The following ING3 variants were observed in gnomAD, a reference collection of about 807,000 sequenced individuals.
ING3 encodes inhibitor of growth family member 3.
A neutral mutation model predicts 64.8 loss-of-function variants in ING3; 6 were observed. The ratio of observed to expected loss-of-function variants is 0.09; its 90% CI spans 0.05 to 0.18. The LOEUF (loss-of-function observed/expected upper bound fraction) is 0.18, where lower values mean the gene tolerates loss of function less well. ING3 is among the 10% of genes least tolerant of loss of function. ING3 has a pLI of 1.00. For missense variants in ING3, 310 were observed against 489.7 expected, an observed-to-expected ratio of 0.63 and a Z score of 3.46; for synonymous variants, 170 against 173.7, an observed-to-expected ratio of 0.98 and a Z score of 0.17.
chr7:120,970,611 T>G, intron 9 of ING3, 77 bp from the exon 10 acceptor site: 1 of 1,400,908 alleles, frequency 7.1e-7, no homozygotes, highest in Non-Finnish European at 9.8e-7. Context: ...TCATTTCATT[T>G]TATACTATTT....
At chr7:120,964,656 A>G in intron 4 of ING3, 86 bp from the exon 5 acceptor site, 1 of 1,009,416 alleles carries the variant, frequency 9.9e-7, no homozygotes, top group South Asian at 1.3e-5. Context: ...TCACTAAAAG[A>G]AACAAAAATT....
chr7:120,968,259 G>T (rs1291179188), intron 8 of ING3, among the ~76,000 whole-genome samples, 168 bp downstream of exon 8: 2 of 152,122 alleles, frequency 1.3e-5, no homozygotes, highest in Non-Finnish European at 2.9e-5. Flanking sequence ...TAATACATAG[G>T]AATTGCCTGA....
rs1361527882 is a variant in ING3 at position 120,968,977 on chromosome 7, A to G, written c.715-34A>G. On this transcript the variant is annotated intron_variant, in intron 8 of 11. Coordinates refer to ENST00000315870, the MANE Select transcript of ING3 (RefSeq NM_019071.3). ...TGAAAAAGAAAATCTACATATTTAC[A>G]TATATTGATGCTATCAATGAATGTC... The G allele has an allele frequency of 2.2e-6, 3 of 1,343,668 alleles. No homozygotes were observed. In the African/African-American group the frequency reaches 4.4e-5, roughly 20 times the overall value. The allele number at this position is 1,343,668 out of a possible 1,614,324, so 83.2% of individuals were successfully genotyped here. A position where few individuals can be genotyped will look rare whatever the true frequency, so the allele number is the denominator to read the frequency against.
intron 8 of ING3, 130 bp from the exon 9 acceptor site, chr7:120,968,881 A>T: frequency 9.0e-6 from 4 of 446,036 alleles, no homozygotes; most frequent in Non-Finnish European, 1.2e-5. Context: ...AATTCCAGTG[A>T]TGAAAATAAT....
intron 6 of ING3, 58 bp from the exon 7 acceptor site, chr7:120,967,471 T>G (rs1056622046): frequency 7.8e-7 from 1 of 1,276,328 alleles, no homozygotes; most frequent in Non-Finnish European, 1.1e-6. Flanking sequence ...ATAAGTATTA[T>G]GCCTTGTCCA....
intron 4 of ING3, among the ~76,000 whole-genome samples, chr7:120,958,102 C>T (rs1048067649): frequency 2.0e-5 from 3 of 152,206 alleles, no homozygotes; most frequent in African/African-American, 7.2e-5. Context: ...TGCTGTCTCT[C>T]ACTCTCCTAG....
chr7:120,968,934 A>G (rs1336733748), intron 8 of ING3, 77 bp from the exon 9 acceptor site: 1 of 912,902 alleles, frequency 1.1e-6, no homozygotes, highest in Non-Finnish European at 1.6e-6. Context: ...CCAAAATAAA[A>G]CTATAATTTG....
Position 120,975,004 on chromosome 7 carries a change from G to T in ING3, c.*160G>T. The T allele has an allele frequency of 2.2e-6, 1 of 447,526 alleles. No homozygotes were observed. The highest frequency in any genetic ancestry group is 4.1e-6 in the Non-Finnish European group (1 of 246,308). 27.7% of individuals were successfully genotyped at this position (447,526 alleles called of 1,614,324 possible). On this transcript the variant is annotated 3_prime_UTR_variant, in exon 12 of 12. Coordinates refer to ENST00000315870, the MANE Select transcript of ING3 (RefSeq NM_019071.3). ...TAAGATCTTGAACTTGAATTTTATG[G>T]GTTGTATTTTAATAATGTAAGTAAA...
chr7:120,961,281 G>T (rs1013604858), intron 4 of ING3, among the ~76,000 whole-genome samples: 1 of 152,130 alleles, frequency 6.6e-6, no homozygotes, highest in Non-Finnish European at 1.5e-5. Context: ...TGTTATCTGA[G>T]AAATACTTTG....
intron 6 of ING3, among the ~76,000 whole-genome samples, chr7:120,967,115 G>A (rs1203828534): frequency 6.6e-6 from 1 of 152,186 alleles, no homozygotes; most frequent in Non-Finnish European, 1.5e-5. Flanking sequence ...CTGAATGGTT[G>A]GTAAGTCAGT....
intron 11 of ING3, 22 bp from the exon 12 acceptor site, chr7:120,974,706 T>G: frequency 6.6e-7 from 1 of 1,526,564 alleles, no homozygotes; most frequent in Non-Finnish European, 9.1e-7. Flanking sequence ...GAAAACTTGT[T>G]TTTTGCAATT....
chr7:120,969,448 C>A (rs2116685954), intron 9 of ING3, among the ~76,000 whole-genome samples: 1 of 151,764 alleles, frequency 6.6e-6, no homozygotes, highest in African/African-American at 2.4e-5. Context: ...TACATGACTT[C>A]TTTTTATCTT....
At chr7:120,962,466 T>C (rs1795945747) in intron 4 of ING3, among the ~76,000 whole-genome samples, 2 of 151,606 alleles carry the variant, frequency 1.3e-5, no homozygotes, top group African/African-American at 4.9e-5. Context: ...AGTCTTGTCA[T>C]TATTTTTAAC....
chr7:120,969,245 C>T (rs1322792903), intron 9 of ING3, 41 bp downstream of exon 9: 1 of 1,505,522 alleles, frequency 6.6e-7, no homozygotes, highest in East Asian at 2.3e-5. Flanking sequence ...CTTTACTGAA[C>T]ACTTGGTCTA....
At chr7:120,966,766 C>CT (rs1174591151) in intron 6 of ING3, 69 bp downstream of exon 6, 10 of 1,075,592 alleles carry the variant, frequency 9.3e-6, no homozygotes, top group African/African-American at 3.1e-5. Context: ...TATATGTTCT[C>CT]TTTTTTTAAC....
intron 4 of ING3, among the ~76,000 whole-genome samples, chr7:120,959,062 G>T (rs1284721680): frequency 6.6e-6 from 1 of 152,098 alleles, no homozygotes; most frequent in Non-Finnish European, 1.5e-5. Flanking sequence ...TCTTGACCTT[G>T]TATTACCATG....
rs1294961164 is a variant in ING3, at chr7:120,955,605, CA to C, written c.251del (p.Asn84ThrfsTer7). The C allele has an allele frequency of 6.2e-7, 1 of 1,608,796 alleles. No homozygotes were observed. The highest frequency in any genetic ancestry group is 8.5e-7 in the Non-Finnish European group (1 of 1,175,376). On this transcript the variant is annotated frameshift_variant, in exon 4 of 12. Coordinates refer to ENST00000315870, the MANE Select transcript of ING3 (RefSeq NM_019071.3). LOFTEE classifies it high-confidence loss of function. ...GATGCAGATGAGAAGGTTCAGTTGGCAAACCAGATATATGACTTGGTAAGTA... is the reference window on the plus strand; with the variant it reads ...GATGCAGATGAGAAGGTTCAGTTGGCAACCAGATATATGACTTGGTAAGTA... ...LEDADEKVQL[A>X]NQIYDLVDRH...
rs1796144518 is a variant in ING3 at position 120,977,177 on chromosome 7, A to T, written c.*2333A>T. 6.6e-6 allele frequency: 1 copy of T among 152,242 alleles called. No homozygotes were observed. The highest frequency in any genetic ancestry group is 6.5e-5 in the Admixed American group (1 of 15,282). 9.4% of individuals were successfully genotyped at this position (152,242 alleles called of 1,614,324 possible). On this transcript the variant is annotated 3_prime_UTR_variant, in exon 12 of 12. Transcript: ENST00000315870. The stretch of plus-strand genomic sequence containing the variant: ...AGTGTATATCAAAATGTTCATGGTG[A>T]CACATTTGAAGCAATAAATGGCTTA...
chr7:120,951,220 G>A lies in ING3; in HGVS notation c.85G>A (p.Asp29Asn), dbSNP rs769127768. The A allele has an allele frequency of 1.9e-6, 3 of 1,614,084 alleles. No individual in the cohort carries two copies. The highest frequency in any genetic ancestry group is 8.5e-7 in the Non-Finnish European group (1 of 1,180,034). ...CCGCTTCACGGAAATGCGCGAGATG[G>A]ACCTGCAGGTGCAGAGTAAGTCGGC... is the stretch of plus-strand genomic sequence containing the variant. ...RDRFTEMREM[D>N]LQVQNAMDQL... Residue 29 changes from aspartate (D) to asparagine (N), a missense_variant, in exon 2 of 12, where the codon GAC becomes AAC. Asp to Asn is a conservative substitution (Grantham distance 23). This residue lies in a region of ING3 where 53 missense variants were observed against 116.2 expected (regional missense o/e 0.46). Coordinates refer to ENST00000315870, the MANE Select transcript of ING3 (RefSeq NM_019071.3).
Sources: gnomAD v4.1 joint callset for allele counts (sites outside exome capture counted in the v4.1 genomes callset) on GRCh38, gnomAD v4.1.1 for gene constraint, gnomAD v4.1.1 regional missense constraint, MANE v1.5 for transcripts, NCBI Gene and HGNC (gene_info 2026-07-23, HGNC 2026-07-21) for gene names.